TTLL5: variants seen among roughly 807,000 people sequenced by gnomAD.
TTLL5 encodes tubulin tyrosine ligase like 5, also known as tubulin polyglutamylase TTLL5.
A neutral mutation model predicts 168.4 loss-of-function variants in TTLL5; 132 were observed. That is an observed-to-expected ratio of 0.78 (90% confidence interval 0.68 to 0.91). TTLL5 has a LOEUF of 0.91. Among genes scored for constraint, TTLL5 ranks in the 40% least tolerant of loss-of-function variants. TTLL5 has a pLI of 0.00. For missense variants in TTLL5, 1,545 were observed against 1,581.5 expected (o/e 0.98, Z 0.39); for synonymous variants, 546 against 558.6 (o/e 0.98, Z 0.32).
rs1887578009 is a variant in TTLL5, at chr14:75,717,923, C to A, written c.803C>A (p.Thr268Lys). 1.2e-6 allele frequency: 2 copies of A among 1,613,822 alleles called. No homozygotes were observed. Among genetic ancestry groups the A allele is most frequent in the South Asian group, 2.2e-5 (2 of 91,082 alleles). Residue 268 changes from threonine (T) to lysine (K), a missense_variant, in exon 10 of 32, where the codon ACA (threonine) becomes AAA (lysine). Coordinates refer to ENST00000298832, the MANE Select transcript of TTLL5 (RefSeq NM_015072.5). ...KNIRNQFMHL[T>K]NYSVNKKSGD... ...ATTCGGAACCAGTTCATGCATCTGA[C>A]AAACTACAGTGTCAACAAGAAAAGT... is the stretch of plus-strand genomic sequence containing the variant.
At chr14:75,781,612 T>G (rs556589752) in intron 24 of TTLL5, among the ~76,000 whole-genome samples, 1 of 152,288 alleles carries the variant, frequency 6.6e-6, no homozygotes, top group South Asian at 2.1e-4. Context: ...CAAAATTGAT[T>G]AGAGTGATAC....
At chr14:75,881,122 C>T (rs959412762) in intron 29 of TTLL5, among the ~76,000 whole-genome samples, 3 of 152,128 alleles carry the variant, frequency 2.0e-5, no homozygotes, top group African/African-American at 7.2e-5. Context: ...CCATGTTGCC[C>T]AGGCTGGTTT....
intron 17 of TTLL5, among the ~76,000 whole-genome samples, chr14:75,749,139 A>G (rs983224174): frequency 2.0e-5 from 3 of 152,096 alleles, no homozygotes; most frequent in Middle Eastern, 3.2e-3. Context: ...AAAATTATAT[A>G]TATATGTATA....
intron 27 of TTLL5, among the ~76,000 whole-genome samples, chr14:75,816,974 ATTTTTTTTTTT>A (rs35736530): frequency 1.0e-5 from 1 of 96,096 alleles, no homozygotes; most frequent in African/African-American, 4.2e-5. Context: ...TCCCTGTCTT[ATTTTTTTTTTT>A]TTTTTTTTTT....
rs75255721 is a variant in TTLL5 at position 75,848,105 on chromosome 14, C to T, written c.3327-15562C>T. On this transcript the variant is annotated intron_variant, in intron 28 of 31. Coordinates refer to ENST00000298832, the MANE Select transcript of TTLL5 (RefSeq NM_015072.5). Reference sequence around the variant, plus strand: ...GGAGTTTTGGAGTTGTCTCCTATTTCCCTTGGCCAACTGAAGGAAGGGGGC... The same window carrying T: ...GGAGTTTTGGAGTTGTCTCCTATTTTCCTTGGCCAACTGAAGGAAGGGGGC... Among the ~76,000 whole-genome samples, 3 of 151,794 alleles carry T rather than the reference C, an allele frequency of 2.0e-5. No homozygotes were observed. In the East Asian group the frequency reaches 5.8e-4, roughly 29 times the overall value.
intron 2 of TTLL5, among the ~76,000 whole-genome samples, chr14:75,668,937 A>G (rs1410407583): frequency 6.6e-6 from 1 of 152,168 alleles, no homozygotes; most frequent in South Asian, 2.1e-4. Flanking sequence ...TCTTCAGTCA[A>G]CCTCCTGCTG....
Position 75,667,352 on chromosome 14 carries a change from CTT to C in TTLL5, c.75-2062_75-2061del, listed in dbSNP as rs377719439. On this transcript the variant is annotated intron_variant, in intron 2 of 31. Transcript: ENST00000298832. Reference sequence around the variant, plus strand: ...TAGTTTCCAGAGTTCCTGTCTGAGACTTTGTAGTTTAGGCTGCCTGTTTTTTT... The same window carrying C: ...TAGTTTCCAGAGTTCCTGTCTGAGACTGTAGTTTAGGCTGCCTGTTTTTTT... 4.1e-3 allele frequency among the ~76,000 whole-genome samples: 629 copies of C among 152,286 alleles called. 4 individuals carry two copies. The highest frequency in any genetic ancestry group is 0.01 in the East Asian group (53 of 5,186).
chr14:75,757,461 G>A (rs182449230), intron 18 of TTLL5, among the ~76,000 whole-genome samples: 11 of 152,204 alleles, frequency 7.2e-5, no homozygotes, highest in Non-Finnish European at 1.3e-4. Context: ...GGCCATGGCA[G>A]GTCAAAAAAT....
chr14:75,742,643 G>A (rs1389802099), intron 15 of TTLL5, among the ~76,000 whole-genome samples: 1 of 152,036 alleles, frequency 6.6e-6, no homozygotes, highest in East Asian at 1.9e-4. Flanking sequence ...TGATCCACCC[G>A]CCTTGGCCTC....
At chr14:75,906,586 C>A (rs2033156527) in intron 31 of TTLL5, 1 of 985,750 alleles carries the variant, frequency 1.0e-6, no homozygotes, top group African/African-American at 1.7e-5. Context: ...TTATTTTCGC[C>A]ACATCCAAAC....
At chr14:75,848,856 A>G (rs145632050) in intron 28 of TTLL5, among the ~76,000 whole-genome samples, 110 of 152,306 alleles carry the variant, frequency 7.2e-4, no homozygotes, top group African/African-American at 2.4e-3. Flanking sequence ...TTTTATATCC[A>G]GCTTTTTGTT....
At chr14:75,773,957 AAGAGAGAGAGAGAGAGAG>A (rs1166420551) in intron 21 of TTLL5, among the ~76,000 whole-genome samples, 4 of 43,360 alleles carry the variant, frequency 9.2e-5, no homozygotes, top group African/African-American at 1.6e-4. Context: ...GAGAGAGAGA[AAGAGAGAGAGAGAGAGAG>A]AGAGAGAGAG....
At chr14:75,865,786 T>A (rs2139957425) in intron 29 of TTLL5, among the ~76,000 whole-genome samples, 1 of 152,344 alleles carries the variant, frequency 6.6e-6, no homozygotes, top group South Asian at 2.1e-4. Context: ...TTATACTGGT[T>A]TAGTTTCACT....
chr14:75,848,637 T>C (rs1230536368), intron 28 of TTLL5, among the ~76,000 whole-genome samples: 1 of 152,212 alleles, frequency 6.6e-6, no homozygotes, highest in Non-Finnish European at 1.5e-5. Flanking sequence ...TTTTTTAGGC[T>C]TCATGTGGTA....
chr14:75,728,515 G>GAAT (rs962695498), intron 12 of TTLL5, among the ~76,000 whole-genome samples: 1 of 152,118 alleles, frequency 6.6e-6, no homozygotes, highest in Non-Finnish European at 1.5e-5. Context: ...CCAAGATGAA[G>GAAT]AATAATAGCA....
chr14:75,886,681 G>T, intron 30 of TTLL5: 1 of 1,596,816 alleles, frequency 6.3e-7, no homozygotes, highest in Non-Finnish European at 8.5e-7. Flanking sequence ...TCCAATGTTT[G>T]CAACACTTCA....
chr14:75,930,448 A>G (rs986310883), intron 31 of TTLL5, among the ~76,000 whole-genome samples: 35 of 152,230 alleles, frequency 2.3e-4, no homozygotes, highest in Non-Finnish European at 2.2e-4. Flanking sequence ...TTGGATTTTC[A>G]GATTAGGGAT....
intron 17 of TTLL5, among the ~76,000 whole-genome samples, chr14:75,746,784 G>C (rs1889643615): frequency 6.6e-6 from 1 of 152,008 alleles, no homozygotes; most frequent in South Asian, 2.1e-4. Context: ...AGCTGATCTT[G>C]AACTCCTGGG....
chr14:75,822,320 C>G (rs535708249), intron 28 of TTLL5, among the ~76,000 whole-genome samples: 1 of 152,224 alleles, frequency 6.6e-6, no homozygotes, highest in East Asian at 1.9e-4. Flanking sequence ...CTAAGCTATT[C>G]ATTTAATCTT....
Sources: allele counts gnomAD v4.1 joint callset (sites outside exome capture counted in the v4.1 genomes callset), GRCh38; gene constraint gnomAD v4.1.1; transcripts MANE v1.5; gene names NCBI Gene and HGNC (gene_info 2026-07-23, HGNC 2026-07-21).